The following STK32C variants were observed in gnomAD, a reference collection of about 807,000 sequenced individuals.
STK32C encodes serine/threonine-protein kinase 32C.
In STK32C, 31 loss-of-function variants were observed where a neutral mutation model predicts 56.5. That is an observed-to-expected ratio of 0.55 (90% CI 0.41 to 0.74). STK32C has a LOEUF of 0.74. Among genes scored for constraint, STK32C ranks in the 30% least tolerant of loss-of-function variants. STK32C has a pLI of 0.00. For missense variants in STK32C, 544 were observed against 676.9 expected, an observed-to-expected ratio of 0.80 and a Z score of 2.18; for synonymous variants, 309 against 289.4, an observed-to-expected ratio of 1.07 and a Z score of -0.69.
At chr10:132,308,592 CTGGCTGCGCGCG>C (rs2066156759), upstream of STK32C, among the ~76,000 whole-genome samples, 2 of 151,918 alleles carry the variant, frequency 1.3e-5, no homozygotes, top group African/African-American at 4.8e-5. Flanking sequence ...CAGGGCGGGC[CTGGCTGCGCGCG>C]CGCACACGCG....
chr10:132,304,211 G>A (rs1343308057), intron 1 of STK32C, among the ~76,000 whole-genome samples: 2 of 152,204 alleles, frequency 1.3e-5, no homozygotes, highest in African/African-American at 4.8e-5. Context: ...TAAGTAAGCA[G>A]AGAAAGTCAC....
In STK32C at chr10:132,307,938, C is replaced by T. The variant is rs1041509019; in HGVS notation, c.-105G>A. The T allele has an allele frequency of 1.8e-5, 19 of 1,060,224 alleles. No homozygotes were observed. Among genetic ancestry groups the T allele is most frequent in the Non-Finnish European group, 2.2e-5 (19 of 881,192 alleles). 65.7% of individuals were successfully genotyped at this position (1,060,224 alleles called of 1,614,324 possible). A position where few individuals can be genotyped will look rare whatever the true frequency, so the allele number is the denominator to read the frequency against. On this transcript the variant is annotated 5_prime_UTR_variant, in exon 1 of 12. Transcript: ENST00000298630. This position sits in a 1 kb window ranked among gnomAD's most constrained non-coding sequence, Gnocchi z 4.4. ...AGCGCTCGGGGCCGGCAGCGCCCGC[C>T]GTGCGCTCTTCTGGGCGGTGGAACC...
Position 132,208,089 on chromosome 10 carries a change from G to A in STK32C, c.1382C>T (p.Ala461Val), listed in dbSNP as rs373830667. ...PLPAPESRDA[A>V]EPVEDEAERS... ...TTCCGCCTCGTCCTCCACAGGCTCC[G>A]CAGCATCCCTGGACTCAGGGGCGGG... The change falls in exon 12 of 12, where the codon GCG becomes GTG. Residue 461 changes from alanine to valine, a missense_variant. This residue lies in a region of STK32C where 277 missense variants were observed against 309.3 expected (regional missense o/e 0.90). Coordinates refer to ENST00000298630, the MANE Select transcript of STK32C (RefSeq NM_173575.4). 27 of 1,311,260 alleles carry A rather than the reference G, an allele frequency of 2.1e-5. No individual in the cohort carries two copies. The highest frequency in any genetic ancestry group is 2.1e-4 in the Middle Eastern group (1 of 4,832). 81.2% of individuals were successfully genotyped at this position (1,311,260 alleles called of 1,614,324 possible). A position where few individuals can be genotyped will look rare whatever the true frequency, so the allele number is the denominator to read the frequency against.
In STK32C at chr10:132,226,866, G is replaced by A; in HGVS notation, c.573C>T (p.Asp191=). The A allele has an allele frequency of 6.2e-7, 1 of 1,613,452 alleles. No homozygotes were observed. Among genetic ancestry groups the A allele is most frequent in the Non-Finnish European group, 8.5e-7 (1 of 1,180,028 alleles). The change falls in exon 4 of 12, where the codon GAC becomes GAT. Residue 191 remains aspartate, a synonymous_variant. Coordinates refer to ENST00000298630, the MANE Select transcript of STK32C (RefSeq NM_173575.4). ...TCTCGCAGATGTACAGCCTCACCGT[G>A]TCCTCGGAGAACTGCACGTTCTGCT... ...HLQQNVQFSE[D]TVRLYICEMA... is the part of the protein sequence containing the mutation.
chr10:132,207,645 T>C lies in STK32C; in HGVS notation c.*365A>G, dbSNP rs1046577. Reference sequence around the variant, plus strand: ...CCGAGCCTGGGGCACCCGCGGCCTGTGCTGCAAGGGTCACCTTGTGACGAG... The same window carrying C: ...CCGAGCCTGGGGCACCCGCGGCCTGCGCTGCAAGGGTCACCTTGTGACGAG... On this transcript the variant is annotated 3_prime_UTR_variant, in exon 12 of 12. Coordinates refer to ENST00000298630, the MANE Select transcript of STK32C (RefSeq NM_173575.4). 43,157 of 204,124 alleles carry C rather than the reference T, an allele frequency of 0.21. 4,815 individuals carry two copies. Among genetic ancestry groups the C allele is most frequent in the South Asian group, 0.35 (1,865 of 5,332 alleles). The allele number at this position is 204,124 out of a possible 1,614,324, so 12.6% of individuals were successfully genotyped here.
chr10:132,228,140 AG>A lies in STK32C; in HGVS notation c.319-13del. 6.2e-7 allele frequency: 1 copy of A among 1,613,928 alleles called. No homozygotes were observed. The highest frequency in any genetic ancestry group is 8.5e-7 in the Non-Finnish European group (1 of 1,180,024). On this transcript the variant is annotated splice_polypyrimidine_tract_variant and intron_variant, in intron 2 of 11. Coordinates refer to ENST00000298630, the MANE Select transcript of STK32C (RefSeq NM_173575.4). The stretch of plus-strand genomic sequence containing the variant: ...TGCACAATGCACACCTGGAGGGCAC[AG>A]GGCTGTTCGGCAGGACGCCTGAGGA...
At chr10:132,321,835 G>A (rs140780070), downstream of STK32C, among the ~76,000 whole-genome samples, 796 of 152,206 alleles carry the variant, frequency 5.2e-3, 9 homozygotes, top group Middle Eastern at 0.014. Flanking sequence ...GCTTTCTCCC[G>A]TCCTGGCCTT....
chr10:132,323,090 A>G (rs1173769863), downstream of STK32C, among the ~76,000 whole-genome samples: 1 of 152,074 alleles, frequency 6.6e-6, no homozygotes, highest in Non-Finnish European at 1.5e-5. The surrounding 1 kb of genome is among the most constrained non-coding windows in gnomAD (Gnocchi z 4.8). Flanking sequence ...TCTGTGTACT[A>G]TGATTATTTC....
chr10:132,227,704 G>A (rs559724760), intron 3 of STK32C, among the ~76,000 whole-genome samples: 20 of 152,286 alleles, frequency 1.3e-4, no homozygotes, highest in Admixed American at 1.3e-3. Context: ...CTCCATGGGA[G>A]CACATCTCCA....
At chr10:132,278,746 C>A (rs1369705102) in intron 1 of STK32C, among the ~76,000 whole-genome samples, 1 of 129,054 alleles carries the variant, frequency 7.7e-6, no homozygotes, top group Non-Finnish European at 1.6e-5. Context: ...GGCGACAGAG[C>A]GAGACTGTCT....
chr10:132,221,950 G>GAAAA (rs2062682577), intron 10 of STK32C, among the ~76,000 whole-genome samples: 1 of 136,012 alleles, frequency 7.4e-6, no homozygotes, highest in African/African-American at 2.9e-5. Flanking sequence ...AACTGACACC[G>GAAAA]ACACACCTGG....
chr10:132,229,368 A>C (rs949458284), intron 2 of STK32C, among the ~76,000 whole-genome samples: 1 of 152,158 alleles, frequency 6.6e-6, no homozygotes, highest in Admixed American at 6.5e-5. Flanking sequence ...GTGGTGGCAC[A>C]CACCCGTAGT....
At chr10:132,269,040 T>C (rs908597758) in intron 1 of STK32C, among the ~76,000 whole-genome samples, 1 of 151,646 alleles carries the variant, frequency 6.6e-6, no homozygotes, top group Non-Finnish European at 1.5e-5. Context: ...TCCCACATCG[T>C]GTGTGTGTGT....
chr10:132,233,735 G>A (rs1456239664), intron 2 of STK32C, among the ~76,000 whole-genome samples: 1 of 152,222 alleles, frequency 6.6e-6, no homozygotes, highest in Non-Finnish European at 1.5e-5. Context: ...CCAGGCAGGG[G>A]CACTCAGCCC....
chr10:132,304,960 C>A (rs2066013678), intron 1 of STK32C, among the ~76,000 whole-genome samples: 1 of 152,210 alleles, frequency 6.6e-6, no homozygotes, highest in Non-Finnish European at 1.5e-5. Flanking sequence ...CGAGCGCCCC[C>A]CAGGTTGCAG....
intron 2 of STK32C, among the ~76,000 whole-genome samples, chr10:132,234,635 C>T (rs2063212227): frequency 6.6e-6 from 1 of 152,254 alleles, no homozygotes; most frequent in African/African-American, 2.4e-5. Flanking sequence ...GGGCTCTCCC[C>T]CTCCTGCTTG....
intron 10 of STK32C, among the ~76,000 whole-genome samples, chr10:132,215,332 AG>A (rs1590139642): frequency 6.6e-6 from 1 of 152,014 alleles, no homozygotes; most frequent in Non-Finnish European, 1.5e-5. Context: ...GCTGGTGATA[AG>A]GTTTGGCTGT....
At chr10:132,210,164 G>A (rs986972163) in intron 10 of STK32C, among the ~76,000 whole-genome samples, 1 of 152,214 alleles carries the variant, frequency 6.6e-6, no homozygotes, top group African/African-American at 2.4e-5. Flanking sequence ...CACCCGAGAC[G>A]GACAACAGCA....
chr10:132,280,688 A>C, intron 1 of STK32C, among the ~76,000 whole-genome samples: 1 of 138,126 alleles, frequency 7.2e-6, no homozygotes, highest in African/African-American at 2.8e-5. Context: ...ACGCACCTCC[A>C]CTCCGTGATC....
Sources: allele counts gnomAD v4.1 joint callset (sites outside exome capture counted in the v4.1 genomes callset), GRCh38; gene constraint gnomAD v4.1.1; regional missense constraint gnomAD v4.1.1; non-coding constraint Gnocchi (gnomAD v3.1); transcripts MANE v1.5; gene names NCBI Gene and HGNC (gene_info 2026-07-23, HGNC 2026-07-21).